Variants in KCNIP2 observed in about 807,000 individuals in gnomAD.
The protein encoded by KCNIP2 is A-type potassium channel modulatory protein KCNIP2.
A neutral mutation model predicts 39.0 loss-of-function variants in KCNIP2; 19 were observed. The ratio of observed to expected loss-of-function variants is 0.49; its 90% CI spans 0.34 to 0.71. KCNIP2 has a LOEUF of 0.71. Ranked by LOEUF, KCNIP2 falls within the 30% of genes least tolerant of loss-of-function variation. The pLI, the probability that KCNIP2 is intolerant of heterozygous loss-of-function variation, is 0.01. For synonymous variants in KCNIP2, 111 were observed against 131.2 expected, an observed-to-expected ratio of 0.85 and a Z score of 1.05; for missense variants, 261 against 346.0, an observed-to-expected ratio of 0.75 and a Z score of 1.95.
At chr10:101,835,221 G>T (rs1267239105) in intron 1 of KCNIP2, among the ~76,000 whole-genome samples, 2 of 152,172 alleles carry the variant, frequency 1.3e-5, no homozygotes, top group African/African-American at 4.8e-5. Flanking sequence ...AGAAGGCAGT[G>T]ACCTCTCCTG....
rs775270589 is a variant in KCNIP2 at position 101,831,035 on chromosome 10, C to A, written c.169+37G>T. 8.3e-6 allele frequency: 13 copies of A among 1,563,990 alleles called. No individual in the cohort carries two copies. In the South Asian group the frequency reaches 1.5e-4, roughly 18 times the overall value. On this transcript the variant is annotated intron_variant, in intron 2 of 9. Coordinates refer to ENST00000356640, the MANE Select transcript of KCNIP2 (RefSeq NM_173191.3). ...CATGCACAGACACGCACGCACACATCGAGCCCCGCCCCCGGAAGCACATGA... is the reference window on the plus strand; with the variant it reads ...CATGCACAGACACGCACGCACACATAGAGCCCCGCCCCCGGAAGCACATGA...
chr10:101,829,848 G>C lies in KCNIP2; in HGVS notation c.219C>G (p.Asp73Glu). Residue 73 changes from aspartate (D) to glutamate (E), a missense_variant, in exon 3 of 10, where the codon GAC becomes GAG. Transcript: ENST00000356640. ...SLRPHRPRLL[D>E]PDSVDDEFEL... ...CCCACCAGGAGCGTAAGTCACCTGGGTCCAGCAGGCGGGGTCTGTGGGGGC... is the reference window on the plus strand; with the variant it reads ...CCCACCAGGAGCGTAAGTCACCTGGCTCCAGCAGGCGGGGTCTGTGGGGGC... 1.4e-6 allele frequency: 2 copies of C among 1,476,218 alleles called. No homozygotes were observed. Among genetic ancestry groups the C allele is most frequent in the African/African-American group, 3.0e-5 (2 of 66,864 alleles). The allele number at this position is 1,476,218 out of a possible 1,614,324, so 91.4% of individuals were successfully genotyped here.
chr10:101,830,578 G>T (rs2065938845), intron 2 of KCNIP2: 1 of 626,418 alleles, frequency 1.6e-6, no homozygotes, highest in Non-Finnish European at 2.4e-6. Context: ...GCTCCCAACT[G>T]ACCACGCCCA....
At chr10:101,829,463 C>G (rs2065881449) in intron 3 of KCNIP2, 3 of 499,858 alleles carry the variant, frequency 6.0e-6, no homozygotes, top group Admixed American at 7.8e-5. Context: ...CCCTCGATCC[C>G]TCGTTGGAGG....
intron 2 of KCNIP2, chr10:101,830,538 A>C (rs576087866): frequency 9.2e-7 from 1 of 1,086,144 alleles, no homozygotes; most frequent in East Asian, 6.8e-5. Context: ...CTCGGGTCCC[A>C]CAGTTTTGCG....
rs2065788633 is a variant in KCNIP2 at position 101,827,673 on chromosome 10, G to C, written c.765+16C>G. ...TGAGTCCAGGTCAGGGTAATGTAGA[G>C]GGCAGGGAGCTGTACCTTTTGACAA... On this transcript the variant is annotated intron_variant, in intron 9 of 9. Coordinates refer to ENST00000356640, the MANE Select transcript of KCNIP2 (RefSeq NM_173191.3). 6.2e-7 allele frequency: 1 copy of C among 1,613,838 alleles called. No homozygotes were observed. Among genetic ancestry groups the C allele is most frequent in the Non-Finnish European group, 8.5e-7 (1 of 1,179,700 alleles).
chr10:101,842,720 G>A (rs1477455970), intron 1 of KCNIP2, among the ~76,000 whole-genome samples: 1 of 152,110 alleles, frequency 6.6e-6, no homozygotes, highest in Non-Finnish European at 1.5e-5. Context: ...GTGAAGGAGT[G>A]GGGTGTACTA....
rs545580925 is a variant in KCNIP2 at position 101,843,605 on chromosome 10, G to A, written c.-37C>T. Reference sequence around the variant, plus strand: ...CCCCGCTCCCGCCCGGGCCGTGGGAGGGGGCGCCGGGTGGCCGGGATAGGG... The same window carrying A: ...CCCCGCTCCCGCCCGGGCCGTGGGAAGGGGCGCCGGGTGGCCGGGATAGGG... On this transcript the variant is annotated 5_prime_UTR_variant, in exon 1 of 10. Transcript: ENST00000356640. This position sits in a 1 kb window ranked among gnomAD's most constrained non-coding sequence, Gnocchi z 6.7. The A allele has an allele frequency of 9.1e-6, 12 of 1,314,100 alleles. No individual in the cohort carries two copies. The highest frequency in any genetic ancestry group is 2.8e-5 in the East Asian group (1 of 35,882). The allele number at this position is 1,314,100 out of a possible 1,614,324, so 81.4% of individuals were successfully genotyped here. A position where few individuals can be genotyped will look rare whatever the true frequency, so the allele number is the denominator to read the frequency against.
At position 101,843,477 on chromosome 10, in the gene KCNIP2, C is replaced by A. The variant is rs945028956; in HGVS notation, c.73+19G>T. On this transcript the variant is annotated intron_variant, in intron 1 of 9. Transcript: ENST00000356640. The surrounding 1 kb of genome is among the most constrained non-coding windows in gnomAD (Gnocchi z 6.7). ...TGGAATCCACCCTCCCTCCCGCGAC[C>A]CCCACGTCACTGACTCACCCGTGAG... 2 of 1,518,548 alleles carry A rather than the reference C, an allele frequency of 1.3e-6. No homozygotes were observed. The highest frequency in any genetic ancestry group is 1.2e-5 in the South Asian group (1 of 80,098). 94.1% of individuals were successfully genotyped at this position (1,518,548 alleles called of 1,614,324 possible).
intron 2 of KCNIP2, among the ~76,000 whole-genome samples, 171 bp downstream of exon 2, chr10:101,830,901 C>T (rs1035172766): frequency 3.3e-5 from 5 of 150,038 alleles, no homozygotes; most frequent in Admixed American, 2.6e-4. Flanking sequence ...CACGCACAGG[C>T]CTGGGGCAGG....
At position 101,826,687 on chromosome 10, in the gene KCNIP2, G is replaced by A. The variant is rs2065758551; in HGVS notation, c.*666C>T. 1 of 152,154 alleles carries A rather than the reference G, an allele frequency of 6.6e-6. No individual in the cohort carries two copies. Among genetic ancestry groups the A allele is most frequent in the Admixed American group, 6.5e-5 (1 of 15,280 alleles). The allele number at this position is 152,154 out of a possible 1,614,324, so 9.4% of individuals were successfully genotyped here. On this transcript the variant is annotated 3_prime_UTR_variant, in exon 10 of 10. Coordinates refer to ENST00000356640, the MANE Select transcript of KCNIP2 (RefSeq NM_173191.3). ...CGAGGAGGGTGTGGAAAATTTCTGG[G>A]GCATTTCTAAGGAGACAAGGTCTTC...
rs375884771 is a variant in KCNIP2 at position 101,827,799 on chromosome 10, G to C, written c.703-48C>G. 17 of 1,544,822 alleles carry C rather than the reference G, an allele frequency of 1.1e-5. No individual in the cohort carries two copies. In the African/African-American group the frequency reaches 1.6e-4, roughly 15 times the overall value. ...GGAGAACAGGAGGGATGGCAAGAGAGAGGCAGACAGAAGTCAGGTGAGTTC... is the reference window on the plus strand; with the variant it reads ...GGAGAACAGGAGGGATGGCAAGAGACAGGCAGACAGAAGTCAGGTGAGTTC... On this transcript the variant is annotated intron_variant, in intron 8 of 9. Transcript: ENST00000356640.
chr10:101,833,332 T>C (rs560553921), intron 1 of KCNIP2, among the ~76,000 whole-genome samples: 7 of 151,794 alleles, frequency 4.6e-5, no homozygotes, highest in African/African-American at 1.2e-4. Flanking sequence ...GGGAGGGGAG[T>C]TGATTTTCCA....
In KCNIP2 at chr10:101,838,949, T is replaced by A. The variant is rs908612807; in HGVS notation, c.73+4547A>T. On this transcript the variant is annotated intron_variant, in intron 1 of 9. Transcript: ENST00000356640. This position sits in a 1 kb window ranked among gnomAD's most constrained non-coding sequence, Gnocchi z 4.0. The stretch of plus-strand genomic sequence containing the variant: ...ATGCAAGTGGAGATGTGCATACACC[T>A]CAGCAGTGCCGTGGGATACTCAACA... Among the ~76,000 whole-genome samples, 15 of 152,278 alleles carry A rather than the reference T, an allele frequency of 9.9e-5. No homozygotes were observed. Among genetic ancestry groups the A allele is most frequent in the Admixed American group, 9.8e-4 (15 of 15,304 alleles).
Position 101,828,110 on chromosome 10 carries a change from C to T in KCNIP2, c.597+41G>A. The stretch of plus-strand genomic sequence containing the variant: ...CCCATCACCCTCTGCACGCCACCCC[C>T]ATCACCGCCACAGACCCCCAGCCCT... On this transcript the variant is annotated intron_variant, in intron 7 of 9. Coordinates refer to ENST00000356640, the MANE Select transcript of KCNIP2 (RefSeq NM_173191.3). This position sits in a 1 kb window ranked among gnomAD's most constrained non-coding sequence, Gnocchi z 6.6. 6.3e-7 allele frequency: 1 copy of T among 1,582,688 alleles called. No homozygotes were observed. Among genetic ancestry groups the T allele is most frequent in the Non-Finnish European group, 8.7e-7 (1 of 1,151,466 alleles).
At chr10:101,829,288 C>T in intron 3 of KCNIP2, 89 bp from the exon 4 acceptor site, 1 of 1,448,998 alleles carries the variant, frequency 6.9e-7, no homozygotes, top group South Asian at 1.4e-5. Context: ...CTCCCCGCCC[C>T]CCGGTCCCAT....
At position 101,826,777 on chromosome 10, in the gene KCNIP2, A is replaced by C. The variant is rs2065760606; in HGVS notation, c.*576T>G. 6.6e-6 allele frequency: 1 copy of C among 152,354 alleles called. No homozygotes were observed. Among genetic ancestry groups the C allele is most frequent in the African/African-American group, 2.4e-5 (1 of 41,438 alleles). 9.4% of individuals were successfully genotyped at this position (152,354 alleles called of 1,614,324 possible). On this transcript the variant is annotated 3_prime_UTR_variant, in exon 10 of 10. Transcript: ENST00000356640. ...GCAGACCTGTGGAACTTGGAGCTAT[A>C]ACCTGGTATGCCTGAGCAATCATAA...
At chr10:101,835,700 G>A (rs2135182511) in intron 1 of KCNIP2, among the ~76,000 whole-genome samples, 1 of 152,114 alleles carries the variant, frequency 6.6e-6, no homozygotes, top group South Asian at 2.1e-4. Flanking sequence ...GAGGCCTACA[G>A]AGCCAATGAG....
rs768698758 is a variant in KCNIP2 at position 101,831,195 on chromosome 10, C to A, written c.74-28G>T. The A allele has an allele frequency of 2.7e-5, 40 of 1,496,036 alleles. No homozygotes were observed. The African/African-American group carries it at 3.9e-4, about 14-fold the overall frequency. 92.7% of individuals were successfully genotyped at this position (1,496,036 alleles called of 1,614,324 possible). On this transcript the variant is annotated intron_variant, in intron 1 of 9. Transcript: ENST00000356640. ...GGGAAGAGAGAAGACCCCAGGAAGG[C>A]ACATTAACTCCCATTGTCCCTCTGT...
Sources: allele counts gnomAD v4.1 joint callset (sites outside exome capture counted in the v4.1 genomes callset), GRCh38; gene constraint gnomAD v4.1.1; non-coding constraint Gnocchi (gnomAD v3.1); transcripts MANE v1.5; gene names NCBI Gene and HGNC (gene_info 2026-07-23, HGNC 2026-07-21).